Variants in CASZ1 observed in about 807,000 individuals in gnomAD.
The protein encoded by CASZ1 is castor zinc finger 1.
In CASZ1, 28 loss-of-function variants were observed where a neutral mutation model predicts 135.2. That is an observed-to-expected ratio of 0.21 (90% CI 0.15 to 0.28). The LOEUF (loss-of-function observed/expected upper bound fraction) is 0.28. Ranked by LOEUF, CASZ1 falls within the 10% of genes least tolerant of loss-of-function variation. The pLI is 1.00. For synonymous variants in CASZ1, 1,068 were observed against 1,073.4 expected (o/e 0.99, Z 0.10); for missense variants, 2,161 against 2,453.3 (o/e 0.88, Z 2.52).
chr1:10,704,191 T>C (rs180773394), intron 3 of CASZ1: 1 of 152,260 alleles, frequency 6.6e-6, no homozygotes, highest in Non-Finnish European at 1.5e-5. Context: ...CAGATCCTCA[T>C]GGACCATGTG....
intron 9 of CASZ1, 35 bp from the exon 10 acceptor site, chr1:10,654,626 G>T: frequency 6.2e-7 from 1 of 1,600,136 alleles, no homozygotes; most frequent in Non-Finnish European, 8.5e-7. Context: ...GGCGAACGGA[G>T]GCCAGGTGCT....
At chr1:10,664,581 G>C (rs1458421112) in intron 5 of CASZ1, among the ~76,000 whole-genome samples, 1 of 152,018 alleles carries the variant, frequency 6.6e-6, no homozygotes, top group Non-Finnish European at 1.5e-5. Flanking sequence ...AGGCCAAGGG[G>C]AGTGGCAGGA....
chr1:10,682,468 C>T (rs1275020067), intron 4 of CASZ1, among the ~76,000 whole-genome samples: 3 of 151,842 alleles, frequency 2.0e-5, no homozygotes, highest in Non-Finnish European at 4.4e-5. Context: ...CAGTGGATAC[C>T]GAGAGGGGAA....
At chr1:10,693,162 G>C (rs1388966163) in intron 4 of CASZ1, among the ~76,000 whole-genome samples, 1 of 152,124 alleles carries the variant, frequency 6.6e-6, no homozygotes, top group African/African-American at 2.4e-5. Flanking sequence ...AGATGCCTAC[G>C]TTGAGTAGTC....
intron 2 of CASZ1, among the ~76,000 whole-genome samples, chr1:10,750,373 T>G (rs914193869): frequency 6.6e-6 from 1 of 152,252 alleles, no homozygotes; most frequent in African/African-American, 2.4e-5. Flanking sequence ...CCTCCTGGGC[T>G]CCAGTGATTC....
At chr1:10,710,795 C>T (rs765429072) in intron 2 of CASZ1, among the ~76,000 whole-genome samples, 1 of 152,262 alleles carries the variant, frequency 6.6e-6, no homozygotes, top group Non-Finnish European at 1.5e-5. Context: ...ACTGAGCACA[C>T]ACTGTGTGCG....
Position 10,762,527 on chromosome 1 carries a change from A to G in CASZ1, c.-233-1670T>C, listed in dbSNP as rs1182892968. Among the ~76,000 whole-genome samples, 3 of 152,048 alleles carry G rather than the reference A, an allele frequency of 2.0e-5. No individual in the cohort carries two copies. Among genetic ancestry groups the G allele is most frequent in the African/African-American group, 7.2e-5 (3 of 41,392 alleles). On this transcript the variant is annotated intron_variant, in intron 1 of 20. Transcript: ENST00000377022. The surrounding 1 kb of genome is among the most constrained non-coding windows in gnomAD (Gnocchi z 4.1). ...CCTGCCTGTTAGTCCAGAATCCCCC[A>G]AAGCCCTGGGCAGCCCGTCCACCCA...
chr1:10,663,551 T>C (rs1023902997), intron 5 of CASZ1, among the ~76,000 whole-genome samples: 30 of 152,246 alleles, frequency 2.0e-4, no homozygotes, highest in African/African-American at 6.5e-4. Flanking sequence ...GGGCTAAAAA[T>C]AGCTGGAGGC....
chr1:10,691,598 G>C (rs1638769144), intron 4 of CASZ1, among the ~76,000 whole-genome samples: 1 of 152,214 alleles, frequency 6.6e-6, no homozygotes, highest in East Asian at 1.9e-4. Flanking sequence ...CCAGAGGAAG[G>C]GACCCTCACT....
chr1:10,690,505 C>G (rs966384428), intron 4 of CASZ1, among the ~76,000 whole-genome samples: 2 of 152,226 alleles, frequency 1.3e-5, no homozygotes, highest in African/African-American at 4.8e-5. Context: ...CCTGGCCTCC[C>G]CACAGTTGAG....
At position 10,665,232 on chromosome 1, in the gene CASZ1, T is replaced by C. The variant is rs1643190079; in HGVS notation, c.356A>G (p.Glu119Gly). 1.3e-6 allele frequency: 2 copies of C among 1,599,276 alleles called. No individual in the cohort carries two copies. Among genetic ancestry groups the C allele is most frequent in the African/African-American group, 1.3e-5 (1 of 74,800 alleles). ...CTGGGGCTGCACCATGTAGACACCC[T>C]CGGGAGGCAGCTCCAGGCCCTCGCG... is the stretch of plus-strand genomic sequence containing the variant. Reference protein sequence around the residue: ...IAREGLELPPEGVYMVQPQGC... With the variant: ...IAREGLELPPGGVYMVQPQGC... The change falls in exon 5 of 21, where the codon GAG becomes GGG. Residue 119 changes from glutamate to glycine, a missense_variant. Physicochemically the swap from Glu to Gly is moderately conservative, Grantham distance 98. Transcript: ENST00000377022.
chr1:10,694,719 C>A lies in CASZ1; in HGVS notation c.-23-807G>T, dbSNP rs1638885135. 7.0e-6 allele frequency among the ~76,000 whole-genome samples: 1 copy of A among 142,208 alleles called. No homozygotes were observed. The highest frequency in any genetic ancestry group is 2.5e-5 in the African/African-American group (1 of 39,842). 93.3% of individuals were successfully genotyped at this position (142,208 alleles called of 152,430 possible). On this transcript the variant is annotated intron_variant, in intron 3 of 20. Transcript: ENST00000377022. This position sits in a 1 kb window ranked among gnomAD's most constrained non-coding sequence, Gnocchi z 6.6. Reference sequence around the variant, plus strand: ...CGCGCCCCCGCCGCGCGCGCCCGCGCCGCACTGGCAGGGCGGCCGGCTCCA... The same window carrying A: ...CGCGCCCCCGCCGCGCGCGCCCGCGACGCACTGGCAGGGCGGCCGGCTCCA...
intron 4 of CASZ1, among the ~76,000 whole-genome samples, chr1:10,686,722 G>A (rs898850022): frequency 2.0e-5 from 3 of 152,180 alleles, no homozygotes; most frequent in Non-Finnish European, 2.9e-5. Flanking sequence ...AGGAATAAAC[G>A]GCCACCAGAA....
chr1:10,702,322 C>A (rs1375328127), intron 3 of CASZ1, among the ~76,000 whole-genome samples: 1 of 152,230 alleles, frequency 6.6e-6, no homozygotes, highest in Non-Finnish European at 1.5e-5. Context: ...TCCACAGAGG[C>A]CTCCCACTGG....
rs1293074728 is a variant in CASZ1, at chr1:10,694,066, C to G, written c.-23-154G>C. ...GGCCGCGGCGGAGAAACTTTCTCCT[C>G]CGCGCCGCCCGCTTCTCACGCTCGG... On this transcript the variant is annotated intron_variant, in intron 3 of 20. Transcript: ENST00000377022. This position sits in a 1 kb window ranked among gnomAD's most constrained non-coding sequence, Gnocchi z 6.6. Among the ~76,000 whole-genome samples the G allele has an allele frequency of 6.6e-6, 1 of 151,726 alleles. No homozygotes were observed. Among genetic ancestry groups the G allele is most frequent in the East Asian group, 1.9e-4 (1 of 5,132 alleles).
At chr1:10,693,260 C>G (rs1638823129) in intron 4 of CASZ1, among the ~76,000 whole-genome samples, 1 of 151,988 alleles carries the variant, frequency 6.6e-6, no homozygotes, top group African/African-American at 2.4e-5. Flanking sequence ...TGATAACAGC[C>G]ACCTCATCCC....
At position 10,756,078 on chromosome 1, in the gene CASZ1, G is replaced by A. The variant is rs1640249747; in HGVS notation, c.-77+4623C>T. Among the ~76,000 whole-genome samples the A allele has an allele frequency of 1.3e-5, 2 of 152,080 alleles. No homozygotes were observed. The highest frequency in any genetic ancestry group is 6.5e-5 in the Admixed American group (1 of 15,280). ...CCCCAGGGCCGGCCCAGTGTTCTGA[G>A]GCCTGGCAGACACGCCCAGGAAGAC... On this transcript the variant is annotated intron_variant, in intron 2 of 20. Transcript: ENST00000377022. The surrounding 1 kb of genome is among the most constrained non-coding windows in gnomAD (Gnocchi z 5.9).
chr1:10,754,041 C>T (rs796671173), intron 2 of CASZ1, among the ~76,000 whole-genome samples: 17 of 152,166 alleles, frequency 1.1e-4, no homozygotes, highest in African/African-American at 3.6e-4. Context: ...TTCTCCAACA[C>T]GCCTCTGGGA....
rs562959951 is a variant in CASZ1 at position 10,717,004 on chromosome 1, C to T, written c.-76-11460G>A. 1.0e-3 allele frequency among the ~76,000 whole-genome samples: 155 copies of T among 152,248 alleles called. No individual in the cohort carries two copies. The highest frequency in any genetic ancestry group is 3.5e-3 in the African/African-American group (146 of 41,528). ...CCCTGCCTTCACCAGCACAGGCAGG[C>T]GGGGCACAGACCTAGCAGAGGGCTG... is the stretch of plus-strand genomic sequence containing the variant. On this transcript the variant is annotated intron_variant, in intron 2 of 20. Transcript: ENST00000377022. The surrounding 1 kb of genome is among the most constrained non-coding windows in gnomAD (Gnocchi z 4.6).
Sources: gnomAD v4.1 joint callset for allele counts (sites outside exome capture counted in the v4.1 genomes callset) on GRCh38, gnomAD v4.1.1 for gene constraint, Gnocchi (gnomAD v3.1) non-coding constraint, MANE v1.5 for transcripts, NCBI Gene and HGNC (gene_info 2026-07-23, HGNC 2026-07-21) for gene names.